CCDC172: variants seen among roughly 807,000 people sequenced by gnomAD.
The protein encoded by CCDC172 is coiled-coil domain-containing protein 172.
CCDC172 carries 30 observed loss-of-function variants against 38.0 expected under a neutral mutation model. The observed-to-expected ratio is 0.79, with a 90% CI of 0.59 to 1.07. CCDC172 has a LOEUF of 1.07. Ranked by LOEUF, CCDC172 falls within the 50% of genes least tolerant of loss-of-function variation. The probability of loss-of-function intolerance (pLI) is 0.00; values close to 1 mark genes in which losing one functional copy is unlikely to be tolerated. For missense variants in CCDC172, 297 were observed against 290.1 expected, an observed-to-expected ratio of 1.02 and a Z score of -0.17; for synonymous variants, 78 against 88.3, an observed-to-expected ratio of 0.88 and a Z score of 0.66.
At chr10:116,327,569 A>G (rs1462156552) in intron 3 of CCDC172, among the ~76,000 whole-genome samples, 1 of 152,154 alleles carries the variant, frequency 6.6e-6, no homozygotes. Context: ...ACTAGAAAGA[A>G]GACAGAAAAG....
chr10:116,329,232 G>A (rs1282892507), intron 3 of CCDC172, among the ~76,000 whole-genome samples: 3 of 151,998 alleles, frequency 2.0e-5, no homozygotes, highest in Non-Finnish European at 4.4e-5. Context: ...TTGGAAATAG[G>A]CAAAAAAGGT....
chr10:116,363,931 CAAA>C (rs5788159), intron 7 of CCDC172, among the ~76,000 whole-genome samples: 2 of 145,532 alleles, frequency 1.4e-5, no homozygotes, highest in Admixed American at 6.8e-5. Flanking sequence ...GACTTGGTCT[CAAA>C]AAAAAAAAAA....
intron 3 of CCDC172, among the ~76,000 whole-genome samples, chr10:116,329,837 C>G (rs371602661): frequency 6.6e-6 from 1 of 152,004 alleles, no homozygotes; most frequent in African/African-American, 2.4e-5. Flanking sequence ...AAACAAAAAC[C>G]GCTAGTTTTA....
At chr10:116,340,159 C>A (rs1844774804) in intron 3 of CCDC172, among the ~76,000 whole-genome samples, 1 of 151,638 alleles carries the variant, frequency 6.6e-6, no homozygotes, top group African/African-American at 2.4e-5. Flanking sequence ...TTTATTATAC[C>A]TTTTGCTACT....
At chr10:116,346,730 A>AT (rs1287294672) in intron 5 of CCDC172, among the ~76,000 whole-genome samples, 1 of 151,640 alleles carries the variant, frequency 6.6e-6, no homozygotes, top group East Asian at 1.9e-4. Context: ...AGAAATATGG[A>AT]TTTATTTTAA....
intron 3 of CCDC172, among the ~76,000 whole-genome samples, chr10:116,334,096 A>AGAGATAGAGGAAGGAAAGG (rs1565712164): frequency 6.6e-6 from 1 of 152,028 alleles, no homozygotes; most frequent in African/African-American, 2.4e-5. Context: ...ATTCCTCCCA[A>AGAGATAGAGGAAGGAAAGG]GAGAGATAGA....
intron 5 of CCDC172, among the ~76,000 whole-genome samples, chr10:116,344,791 C>T: frequency 6.8e-6 from 1 of 147,344 alleles, no homozygotes; most frequent in Non-Finnish European, 1.5e-5. Context: ...TATGAATATA[C>T]AAAAAATTTT....
chr10:116,325,273 ATG>A, intron 2 of CCDC172, 28 bp from the exon 3 acceptor site: 1 of 1,585,738 alleles, frequency 6.3e-7, no homozygotes, highest in Non-Finnish European at 8.6e-7. Flanking sequence ...AGAAAGATTG[ATG>A]TGTTTAAAGA....
chr10:116,337,305 A>G (rs1305281875), intron 3 of CCDC172, among the ~76,000 whole-genome samples: 2 of 151,794 alleles, frequency 1.3e-5, no homozygotes, highest in Non-Finnish European at 2.9e-5. Flanking sequence ...GGGTGCCCCC[A>G]CCACACCTGG....
At chr10:116,334,984 T>C (rs1403048193) in intron 3 of CCDC172, among the ~76,000 whole-genome samples, 1 of 152,096 alleles carries the variant, frequency 6.6e-6, no homozygotes, top group Non-Finnish European at 1.5e-5. Flanking sequence ...GGTTGGCATC[T>C]AGCTTTTTAT....
intron 3 of CCDC172, among the ~76,000 whole-genome samples, chr10:116,329,416 G>A (rs546942700): frequency 5.9e-5 from 9 of 152,080 alleles, no homozygotes; most frequent in Admixed American, 2.0e-4. Flanking sequence ...TTGAAATGCT[G>A]ATTCCATTAG....
At chr10:116,359,904 A>G (rs1345428899) in intron 7 of CCDC172, among the ~76,000 whole-genome samples, 1 of 152,192 alleles carries the variant, frequency 6.6e-6, no homozygotes, top group African/African-American at 2.4e-5. Flanking sequence ...GTTGGAATCT[A>G]TCTTGATGTT....
At chr10:116,367,400 A>G (rs528587789) in intron 7 of CCDC172, among the ~76,000 whole-genome samples, 2 of 152,210 alleles carry the variant, frequency 1.3e-5, no homozygotes, top group Non-Finnish European at 2.9e-5. Context: ...CATATTAACA[A>G]AATTAGAGGC....
intron 3 of CCDC172, among the ~76,000 whole-genome samples, chr10:116,332,452 A>C (rs1844675428): frequency 1.3e-5 from 2 of 152,074 alleles, no homozygotes; most frequent in African/African-American, 4.8e-5. Flanking sequence ...TGTAGGAGGA[A>C]GTTGTGAATG....
intron 7 of CCDC172, among the ~76,000 whole-genome samples, chr10:116,370,886 A>G (rs1046724982): frequency 5.3e-5 from 8 of 151,836 alleles, no homozygotes; most frequent in Non-Finnish European, 7.4e-5. Flanking sequence ...CTATTTTTGT[A>G]TGCTAATTTT....
chr10:116,328,434 T>C (rs1353662985), intron 3 of CCDC172, among the ~76,000 whole-genome samples: 2 of 152,100 alleles, frequency 1.3e-5, no homozygotes, highest in Admixed American at 6.5e-5. Flanking sequence ...TGACAGAACA[T>C]TGGTAGTTTC....
In CCDC172 at chr10:116,356,388, G is replaced by GAGGAAGGAAGGAAGGAAGGAAGGA. The variant is rs542807297; in HGVS notation, c.449-990_449-967dup. Among the ~76,000 whole-genome samples, 860 of 144,138 alleles carry GAGGAAGGAAGGAAGGAAGGAAGGA rather than the reference G, an allele frequency of 6.0e-3. 7 individuals are homozygous for GAGGAAGGAAGGAAGGAAGGAAGGA. Among genetic ancestry groups the GAGGAAGGAAGGAAGGAAGGAAGGA allele is most frequent in the African/African-American group, 0.019 (746 of 38,794 alleles). 94.6% of individuals were successfully genotyped at this position (144,138 alleles called of 152,430 possible). A position where few individuals can be genotyped will look rare whatever the true frequency, so the allele number is the denominator to read the frequency against. On this transcript the variant is annotated intron_variant, in intron 5 of 8. Transcript: ENST00000333254. ...GAGGAGGAAGAAGAGGGGAGGGAGGGAGGAAGGAAGGAAGGAAGGAAGGAA... is the reference window on the plus strand; with the variant it reads ...GAGGAGGAAGAAGAGGGGAGGGAGGGAGGAAGGAAGGAAGGAAGGAAGGAAGGAAGGAAGGAAGGAAGGAAGGAA...
At chr10:116,328,385 T>TC (rs1419134014) in intron 3 of CCDC172, among the ~76,000 whole-genome samples, 1 of 152,096 alleles carries the variant, frequency 6.6e-6, no homozygotes, top group Non-Finnish European at 1.5e-5. Flanking sequence ...AAGGAAAAGT[T>TC]GTATAGTATT....
chr10:116,370,932 G>C (rs1225342882), intron 7 of CCDC172, among the ~76,000 whole-genome samples: 1 of 151,504 alleles, frequency 6.6e-6, no homozygotes, highest in African/African-American at 2.4e-5. Context: ...TTTATTATTT[G>C]AATTTTTTTA....
Sources: gnomAD v4.1 joint callset for allele counts (sites outside exome capture counted in the v4.1 genomes callset) on GRCh38, gnomAD v4.1.1 for gene constraint, MANE v1.5 for transcripts, NCBI Gene and HGNC (gene_info 2026-07-23, HGNC 2026-07-21) for gene names.